Variants in MORC3 observed in about 807,000 individuals in gnomAD.
The protein encoded by MORC3 is MORC family CW-type zinc finger 3.
MORC3 carries 31 observed loss-of-function variants against 109.1 expected under a neutral mutation model. That is an observed-to-expected ratio of 0.28 (90% CI 0.21 to 0.38). MORC3 has a LOEUF of 0.38. Among genes scored for constraint, MORC3 ranks in the 10% least tolerant of loss-of-function variants. The probability of loss-of-function intolerance (pLI) is 1.00; values close to 1 mark genes in which losing one functional copy is unlikely to be tolerated. For missense variants in MORC3, 867 were observed against 1,135.8 expected (o/e 0.76, Z 3.40); for synonymous variants, 395 against 380.7 (o/e 1.04, Z -0.44).
chr21:36,357,902 G>T (rs2146325632), intron 10 of MORC3, among the ~76,000 whole-genome samples: 1 of 151,596 alleles, frequency 6.6e-6, no homozygotes, highest in Non-Finnish European at 1.5e-5. Flanking sequence ...CACCACGCCT[G>T]GCTAATGTTT....
rs552480225 is a variant in MORC3 at position 36,370,139 on chromosome 21, C to T, written c.2508+263C>T. Reference sequence around the variant, plus strand: ...AGGAGAATCACTTGAACCCAGGAGGCGGAGGCTGCCGTGAGCCAAGATTGC... The same window carrying T: ...AGGAGAATCACTTGAACCCAGGAGGTGGAGGCTGCCGTGAGCCAAGATTGC... On this transcript the variant is annotated intron_variant, in intron 15 of 16. Transcript: ENST00000400485. Among the ~76,000 whole-genome samples the T allele has an allele frequency of 6.6e-5, 10 of 152,224 alleles. 1 individual carries two copies. The South Asian group carries it at 1.7e-3, about 25-fold the overall frequency.
intron 1 of MORC3, among the ~76,000 whole-genome samples, chr21:36,330,314 T>G (rs1272707398): frequency 6.6e-6 from 1 of 152,224 alleles, no homozygotes; most frequent in Non-Finnish European, 1.5e-5. Flanking sequence ...CTCTGCGTAG[T>G]AAAACTTTGG....
At position 36,369,748 on chromosome 21, in the gene MORC3, A is replaced by G. The variant is rs192750841; in HGVS notation, c.2380A>G (p.Lys794Glu). Residue 794 changes from lysine (K) to glutamate (E), a missense_variant, in exon 15 of 17, where the codon AAG (lysine) becomes GAG (glutamate). Lys to Glu is a moderately conservative substitution (Grantham distance 56, BLOSUM62 1). Transcript: ENST00000400485. ...ACAATGTAGTGCTTTGCAACATGTA[A>G]AGGCTGAATGCAGCCAGTGTTCCAA... ...KKQCSALQHVKAECSQCSNNE... is the reference protein window; with the variant it reads ...KKQCSALQHVEAECSQCSNNE... The G allele has an allele frequency of 1.3e-3, 2,058 of 1,614,214 alleles. 20 individuals carry two copies. The highest frequency in any genetic ancestry group is 1.6e-4 in the Non-Finnish European group (193 of 1,180,034).
intron 5 of MORC3, 118 bp from the exon 6 acceptor site, chr21:36,341,281 T>A: frequency 1.1e-6 from 1 of 917,856 alleles, no homozygotes. Flanking sequence ...AACCCCCCAC[T>A]GACGTGCACC....
intron 9 of MORC3, among the ~76,000 whole-genome samples, chr21:36,350,542 C>CAAAAAA (rs34750900): frequency 1.7e-5 from 2 of 116,294 alleles, no homozygotes; most frequent in Non-Finnish European, 1.8e-5. Flanking sequence ...CACCCTGCCT[C>CAAAAAA]AAAAAAAAAA....
chr21:36,323,271 C>T (rs1027639779), intron 1 of MORC3, among the ~76,000 whole-genome samples: 18 of 152,168 alleles, frequency 1.2e-4, no homozygotes, highest in African/African-American at 3.9e-4. Flanking sequence ...CTGAAGCCTA[C>T]TCTCTCGGGT....
intron 10 of MORC3, among the ~76,000 whole-genome samples, chr21:36,358,718 C>T (rs1032115569): frequency 7.3e-5 from 11 of 151,608 alleles, no homozygotes; most frequent in African/African-American, 2.4e-4. Context: ...CTTGCTCTGT[C>T]GCCCAGGCTG....
At chr21:36,346,640 C>T (rs2085510408) in intron 8 of MORC3, among the ~76,000 whole-genome samples, 1 of 151,734 alleles carries the variant, frequency 6.6e-6, no homozygotes, top group Non-Finnish European at 1.5e-5. Flanking sequence ...AAAACCCTGT[C>T]TGTACAAAAA....
chr21:36,326,090 C>T (rs758449397), intron 1 of MORC3, among the ~76,000 whole-genome samples: 5 of 151,424 alleles, frequency 3.3e-5, no homozygotes, highest in Non-Finnish European at 7.4e-5. Context: ...GCCTGTAATC[C>T]CAGCTACTTG....
rs372328684 is a variant in MORC3 at position 36,333,358 on chromosome 21, C to A, written c.40-288C>A. ...TTGGCTGGATCATTTTAAGGTAGGT[C>A]TTGGCAAGGTATGTCCCTATTTGGG... On this transcript the variant is annotated intron_variant, in intron 1 of 16. Transcript: ENST00000400485. 1.1e-3 allele frequency: 388 copies of A among 365,202 alleles called. 1 individual carries two copies. The highest frequency in any genetic ancestry group is 6.8e-3 in the African/African-American group (327 of 47,958). The allele number at this position is 365,202 out of a possible 1,614,324, so 22.6% of individuals were successfully genotyped here.
chr21:36,326,165 C>T (rs1191444251), intron 1 of MORC3, among the ~76,000 whole-genome samples: 1 of 151,720 alleles, frequency 6.6e-6, no homozygotes, highest in African/African-American at 2.4e-5. Flanking sequence ...TGAGATCGCG[C>T]CATTGCACTC....
intron 1 of MORC3, among the ~76,000 whole-genome samples, chr21:36,326,766 C>T (rs1157254279): frequency 1.3e-5 from 2 of 151,668 alleles, no homozygotes; most frequent in African/African-American, 4.8e-5. Flanking sequence ...TCCTTGTTTG[C>T]TTAAGGTGAA....
chr21:36,320,882 CG>C (rs1302778678), intron 1 of MORC3, among the ~76,000 whole-genome samples: 4 of 152,210 alleles, frequency 2.6e-5, no homozygotes, highest in African/African-American at 9.6e-5. Context: ...TCCCGCGTTG[CG>C]TCTGTTTTGG....
At chr21:36,367,520 G>A (rs1413100443) in intron 14 of MORC3, among the ~76,000 whole-genome samples, 5 of 151,596 alleles carry the variant, frequency 3.3e-5, no homozygotes, top group Admixed American at 1.3e-4. Flanking sequence ...CTTAACAGTC[G>A]GAAGATAGAG....
At position 36,331,790 on chromosome 21, in the gene MORC3, G is replaced by A. The variant is rs139125072; in HGVS notation, c.40-1856G>A. ...AGATGCAATGCAAATTTGTTGCATTGCGTTCAAACGAAAAACCTTAGACAA... is the reference window on the plus strand; with the variant it reads ...AGATGCAATGCAAATTTGTTGCATTACGTTCAAACGAAAAACCTTAGACAA... On this transcript the variant is annotated intron_variant, in intron 1 of 16. Coordinates refer to ENST00000400485, the MANE Select transcript of MORC3 (RefSeq NM_015358.3). Among the ~76,000 whole-genome samples the A allele has an allele frequency of 2.7e-4, 41 of 152,278 alleles. No homozygotes were observed. In the East Asian group the frequency reaches 5.4e-3, roughly 20 times the overall value.
chr21:36,362,773 T>C (rs907479109), intron 13 of MORC3, among the ~76,000 whole-genome samples: 2 of 152,150 alleles, frequency 1.3e-5, no homozygotes, highest in African/African-American at 4.8e-5. Flanking sequence ...GGATTTGGTT[T>C]ATTTAGTTCA....
intron 5 of MORC3, chr21:36,339,468 C>G (rs912711892): frequency 7.6e-6 from 1 of 131,194 alleles, no homozygotes; most frequent in African/African-American, 2.9e-5. Context: ...CATTAGCACT[C>G]TATTCTCTCT....
At chr21:36,349,265 CATCAT>C (rs1217051645) in intron 8 of MORC3, 41 bp from the exon 9 acceptor site, 4 of 1,238,912 alleles carry the variant, frequency 3.2e-6, no homozygotes, top group East Asian at 2.3e-5. Context: ...TTATTTTGAG[CATCAT>C]GTCTTATGCT....
At position 36,322,821 on chromosome 21, in the gene MORC3, T is replaced by G. The variant is rs186034145; in HGVS notation, c.39+2518T>G. 6.2e-3 allele frequency among the ~76,000 whole-genome samples: 949 copies of G among 152,320 alleles called. 7 individuals carry two copies. Among genetic ancestry groups the G allele is most frequent in the Middle Eastern group, 0.014 (4 of 294 alleles). ...ATACTTTGGTTTTTGTTGTTGATTT[T>G]TTTTTTCAGAAATGCTGCTGTGGAT... is the stretch of plus-strand genomic sequence containing the variant. On this transcript the variant is annotated intron_variant, in intron 1 of 16. Coordinates refer to ENST00000400485, the MANE Select transcript of MORC3 (RefSeq NM_015358.3).
Sources: gnomAD v4.1 joint callset for allele counts (sites outside exome capture counted in the v4.1 genomes callset) on GRCh38, gnomAD v4.1.1 for gene constraint, MANE v1.5 for transcripts, NCBI Gene and HGNC (gene_info 2026-07-23, HGNC 2026-07-21) for gene names.